The following GRTP1 variants were observed in gnomAD, a reference collection of about 807,000 sequenced individuals.
GRTP1 encodes the protein growth hormone regulated TBC protein 1.
GRTP1 carries 56 observed loss-of-function variants against 38.1 expected under a neutral mutation model. That is an observed-to-expected ratio of 1.47 (90% CI 1.19 to 1.84). GRTP1 has a LOEUF of 1.84. Among genes scored for constraint, GRTP1 ranks in the 40% most tolerant of loss-of-function variants. GRTP1 has a pLI of 0.00. For missense variants in GRTP1, 506 were observed against 453.9 expected, an observed-to-expected ratio of 1.11 and a Z score of -1.04; for synonymous variants, 217 against 189.5, an observed-to-expected ratio of 1.14 and a Z score of -1.19.
At chr13:113,355,728 A>T (rs1383870036) in intron 2 of GRTP1, 1 of 346,000 alleles carries the variant, frequency 2.9e-6, no homozygotes. Flanking sequence ...TTCACCATTC[A>T]ATGCAGGTGG....
intron 5 of GRTP1, among the ~76,000 whole-genome samples, chr13:113,333,305 T>A (rs1390750674): frequency 6.6e-6 from 1 of 152,120 alleles, no homozygotes; most frequent in Non-Finnish European, 1.5e-5. Flanking sequence ...CAGGTGCCCA[T>A]GCACATGGCG....
chr13:113,352,322 AT>A lies in GRTP1; in HGVS notation c.341-1350del, dbSNP rs869240742. ...TATATTTTATATATATTTTATATAT[AT>A]TTTTATATATATTTTATATATATAT... is the stretch of plus-strand genomic sequence containing the variant. On this transcript the variant is annotated intron_variant, in intron 3 of 7. Transcript: ENST00000375431. Among the ~76,000 whole-genome samples, 31 of 59,522 alleles carry A rather than the reference AT, an allele frequency of 5.2e-4. No homozygotes were observed. The East Asian group carries it at 0.011, about 21-fold the overall frequency. The allele number at this position is 59,522 out of a possible 152,430, so 39.0% of individuals were successfully genotyped here.
At chr13:113,325,258 C>G in intron 7 of GRTP1, 1 of 1,241,638 alleles carries the variant, frequency 8.1e-7, no homozygotes, top group Admixed American at 3.8e-5. Flanking sequence ...CTGAGCCTCT[C>G]CTGGCGTCTT....
chr13:113,344,746 C>T (rs2043074990), intron 5 of GRTP1, 117 bp downstream of exon 5: 1 of 472,036 alleles, frequency 2.1e-6, no homozygotes, highest in Middle Eastern at 3.9e-4. Context: ...CGGTTTGTAA[C>T]CTCATCTCCC....
chr13:113,328,475 C>A (rs2042808448), intron 5 of GRTP1, among the ~76,000 whole-genome samples: 1 of 152,220 alleles, frequency 6.6e-6, no homozygotes, highest in Admixed American at 6.5e-5. Flanking sequence ...CAGGCCAGTT[C>A]TCCACCCTGG....
At chr13:113,350,436 C>CATA (rs59335994) in intron 4 of GRTP1, among the ~76,000 whole-genome samples, 46,819 of 146,680 alleles carry the variant, frequency 0.32, 7,919 homozygotes, top group East Asian at 0.58. Flanking sequence ...CATCCCACAG[C>CATA]GCACGCACCC....
intron 2 of GRTP1, chr13:113,361,963 A>G (rs2043507425): frequency 6.6e-6 from 1 of 152,132 alleles, no homozygotes; most frequent in Non-Finnish European, 1.5e-5. Context: ...AGCCTGGCCA[A>G]TATGGTAAAA....
At chr13:113,337,652 C>G (rs1227497949) in intron 5 of GRTP1, among the ~76,000 whole-genome samples, 2 of 152,250 alleles carry the variant, frequency 1.3e-5, no homozygotes, top group Non-Finnish European at 2.9e-5. Flanking sequence ...GTCTGGTGAG[C>G]CTGGCCGCCT....
intron 5 of GRTP1, among the ~76,000 whole-genome samples, chr13:113,330,285 G>C (rs375225285): frequency 3.4e-5 from 2 of 58,912 alleles, no homozygotes; most frequent in Non-Finnish European, 6.4e-5. Context: ...AGGTGTGTGC[G>C]TGGAAACTCA....
intron 2 of GRTP1, 27 bp downstream of exon 2, chr13:113,363,735 G>C (rs1335397987): frequency 1.9e-6 from 3 of 1,595,068 alleles, no homozygotes; most frequent in Non-Finnish European, 2.6e-6. Flanking sequence ...TGCGCCCTCG[G>C]GACCCACCTG....
chr13:113,349,993 T>C lies in GRTP1; in HGVS notation c.465+856A>G, dbSNP rs2043231675. ...GGCCTAAAATGCCAGGAACGCACTC[T>C]CCAATCCCGGTGGCAGCCGTGGGCT... is the stretch of plus-strand genomic sequence containing the variant. On this transcript the variant is annotated intron_variant, in intron 4 of 7. Coordinates refer to ENST00000375431, the MANE Select transcript of GRTP1 (RefSeq NM_024719.4). This position sits in a 1 kb window ranked among gnomAD's most constrained non-coding sequence, Gnocchi z 5.0. Among the ~76,000 whole-genome samples, 1 of 151,940 alleles carries C rather than the reference T, an allele frequency of 6.6e-6. No homozygotes were observed. Among genetic ancestry groups the C allele is most frequent in the African/African-American group, 2.4e-5 (1 of 41,368 alleles).
chr13:113,334,276 C>T (rs77078360), intron 5 of GRTP1, among the ~76,000 whole-genome samples: 86 of 17,228 alleles, frequency 5.0e-3, no homozygotes, highest in Non-Finnish European at 0.021. Context: ...CCTGCACTGC[C>T]ACGACAGCCT....
At chr13:113,354,966 C>A (rs941655630) in intron 3 of GRTP1, among the ~76,000 whole-genome samples, 1 of 152,230 alleles carries the variant, frequency 6.6e-6, no homozygotes, top group African/African-American at 2.4e-5. Flanking sequence ...CCCTGGTGTG[C>A]GGCCTCATGA....
At chr13:113,335,733 G>A (rs9324232) in intron 5 of GRTP1, among the ~76,000 whole-genome samples, 141,727 of 151,982 alleles carry the variant, frequency 0.93, 66,926 homozygotes, top group East Asian at 1. Flanking sequence ...CTCTGCACCC[G>A]GCTTATTTCA....
intron 2 of GRTP1, among the ~76,000 whole-genome samples, chr13:113,358,136 T>A (rs1282810444): frequency 1.3e-5 from 2 of 151,990 alleles, no homozygotes. Context: ...GAGCTGAGAT[T>A]GCACCACTGC....
intron 5 of GRTP1, among the ~76,000 whole-genome samples, chr13:113,327,048 C>T (rs1206982821): frequency 6.6e-6 from 1 of 152,210 alleles, no homozygotes; most frequent in Non-Finnish European, 1.5e-5. Flanking sequence ...TGTATTTTAC[C>T]ACAGTAGAAA....
intron 5 of GRTP1, among the ~76,000 whole-genome samples, chr13:113,334,136 A>T (rs1392793878): frequency 2.0e-5 from 3 of 152,212 alleles, no homozygotes; most frequent in African/African-American, 7.2e-5. Context: ...CGCCTGGCCC[A>T]TGCCTGTGCA....
At chr13:113,327,496 A>G (rs1044398816) in intron 5 of GRTP1, among the ~76,000 whole-genome samples, 4 of 152,210 alleles carry the variant, frequency 2.6e-5, no homozygotes, top group Non-Finnish European at 4.4e-5. Context: ...TTAATTCAAT[A>G]TCTTGGTTAA....
chr13:113,327,021 G>T (rs188612764), intron 5 of GRTP1, among the ~76,000 whole-genome samples: 1 of 152,280 alleles, frequency 6.6e-6, no homozygotes, highest in Admixed American at 6.5e-5. Context: ...GGGTAAGATG[G>T]TACATTCTAT....
Sources: gnomAD v4.1 joint callset for allele counts (sites outside exome capture counted in the v4.1 genomes callset) on GRCh38, gnomAD v4.1.1 for gene constraint, Gnocchi (gnomAD v3.1) non-coding constraint, MANE v1.5 for transcripts, NCBI Gene and HGNC (gene_info 2026-07-23, HGNC 2026-07-21) for gene names.